Variants in EPB41L4B observed in about 807,000 individuals in gnomAD.
EPB41L4B encodes band 4.1-like protein 4B.
EPB41L4B carries 30 observed loss-of-function variants against 112.5 expected under a neutral mutation model. The ratio of observed to expected loss-of-function variants is 0.27; its 90% CI spans 0.20 to 0.36. The LOEUF (loss-of-function observed/expected upper bound fraction) is 0.36. Ranked by LOEUF, EPB41L4B falls within the 10% of genes least tolerant of loss-of-function variation. The probability of loss-of-function intolerance (pLI) is 1.00; values close to 1 mark genes in which losing one functional copy is unlikely to be tolerated. For missense variants in EPB41L4B, 1,024 were observed against 1,133.3 expected (o/e 0.90, Z 1.38); for synonymous variants, 408 against 439.7 (o/e 0.93, Z 0.90).
At chr9:109,299,313 T>C (rs1378498818) in intron 1 of EPB41L4B, among the ~76,000 whole-genome samples, 1 of 152,242 alleles carries the variant, frequency 6.6e-6, no homozygotes, top group Admixed American at 6.5e-5. Flanking sequence ...TCTCACTCTG[T>C]TGCCCAGGCT....
At chr9:109,224,452 T>G (rs1833693971) in intron 15 of EPB41L4B, among the ~76,000 whole-genome samples, 1 of 152,134 alleles carries the variant, frequency 6.6e-6, no homozygotes, top group African/African-American at 2.4e-5. Context: ...AAAGGACAAG[T>G]ATTATATTAT....
intron 1 of EPB41L4B, among the ~76,000 whole-genome samples, chr9:109,288,754 A>AAAAAAAAAAAAAAAG (rs71372560): frequency 7.2e-6 from 1 of 139,030 alleles, no homozygotes; most frequent in Non-Finnish European, 1.6e-5. Flanking sequence ...AAAAAAAAAA[A>AAAAAAAAAAAAAAAG]GCTGGGTGTG....
rs900669788 is a variant in EPB41L4B at position 109,283,437 on chromosome 9, C to A, written c.307-3516G>T. ...ACATACTCCTCTGAAGGCAACAGGTCAACAGAAGCAGAAGGCAGGATATGC... is the reference window on the plus strand; with the variant it reads ...ACATACTCCTCTGAAGGCAACAGGTAAACAGAAGCAGAAGGCAGGATATGC... On this transcript the variant is annotated intron_variant, in intron 1 of 25. Transcript: ENST00000374566. Among the ~76,000 whole-genome samples the A allele has an allele frequency of 5.3e-5, 8 of 152,126 alleles. No individual in the cohort carries two copies. The East Asian group carries it at 9.6e-4, about 18-fold the overall frequency.
At chr9:109,309,862 C>G (rs1368498133) in intron 1 of EPB41L4B, among the ~76,000 whole-genome samples, 2 of 152,140 alleles carry the variant, frequency 1.3e-5, no homozygotes, top group Non-Finnish European at 2.9e-5. Context: ...GCCACTAACT[C>G]CCACTATCCT....
At chr9:109,302,052 A>G (rs1166810618) in intron 1 of EPB41L4B, among the ~76,000 whole-genome samples, 2 of 152,256 alleles carry the variant, frequency 1.3e-5, no homozygotes, top group Non-Finnish European at 2.9e-5. Context: ...AGCTCTGGCC[A>G]CCAAGAGTCA....
intron 9 of EPB41L4B, 85 bp downstream of exon 9, chr9:109,256,051 G>C (rs1290652001): frequency 7.7e-7 from 1 of 1,302,296 alleles, no homozygotes; most frequent in Non-Finnish European, 1.1e-6. Context: ...GGGTGTTGCA[G>C]ATACCCCTCA....
Position 109,174,443 on chromosome 9 carries a change from G to T in EPB41L4B, c.*111C>A. ...TGGCTTCAACTAACCATGGAGACCT[G>T]GGCGAACAGAGCACACACTTGTATG... On this transcript the variant is annotated 3_prime_UTR_variant, in exon 26 of 26. Transcript: ENST00000374566. The T allele has an allele frequency of 9.4e-7, 1 of 1,061,934 alleles. No homozygotes were observed. Among genetic ancestry groups the T allele is most frequent in the Non-Finnish European group, 1.5e-6 (1 of 688,470 alleles). The allele number at this position is 1,061,934 out of a possible 1,614,324, so 65.8% of individuals were successfully genotyped here. A position where few individuals can be genotyped will look rare whatever the true frequency, so the allele number is the denominator to read the frequency against.
In EPB41L4B at chr9:109,203,584, C is replaced by A. The variant is rs148688512; in HGVS notation, c.1946+79G>T. 74 of 1,146,872 alleles carry A rather than the reference C, an allele frequency of 6.5e-5. No individual in the cohort carries two copies. The African/African-American group carries it at 7.9e-4, about 12-fold the overall frequency. 71.0% of individuals were successfully genotyped at this position (1,146,872 alleles called of 1,614,324 possible). ...TGTCCTCTGATTTTATCAGCTAATGCCCTCGTGAGCAATGTTTCAAGGATA... is the reference window on the plus strand; with the variant it reads ...TGTCCTCTGATTTTATCAGCTAATGACCTCGTGAGCAATGTTTCAAGGATA... On this transcript the variant is annotated intron_variant, in intron 19 of 25. Transcript: ENST00000374566.
intron 15 of EPB41L4B, among the ~76,000 whole-genome samples, chr9:109,236,182 C>T (rs550388638): frequency 2.0e-5 from 3 of 152,320 alleles, no homozygotes; most frequent in African/African-American, 7.2e-5. Context: ...TCTCCAACAG[C>T]TGGAATTCCC....
At chr9:109,185,643 G>A (rs1214708365) in intron 22 of EPB41L4B, 38 bp from the exon 23 acceptor site, 1 of 1,499,578 alleles carries the variant, frequency 6.7e-7, no homozygotes, top group East Asian at 2.3e-5. Flanking sequence ...AGGAGGAGGT[G>A]GCAAGAGAAG....
intron 15 of EPB41L4B, among the ~76,000 whole-genome samples, chr9:109,233,499 C>T (rs1824477470): frequency 6.7e-6 from 1 of 150,350 alleles, no homozygotes; most frequent in African/African-American, 2.5e-5. Context: ...CAGTATCATG[C>T]TGACTGTTAC....
intron 1 of EPB41L4B, among the ~76,000 whole-genome samples, chr9:109,303,608 C>G (rs1014434139): frequency 6.6e-6 from 1 of 152,180 alleles, no homozygotes; most frequent in Non-Finnish European, 1.5e-5. Context: ...CTACCTCAGC[C>G]TCCTAAAGTA....
At chr9:109,251,646 G>GGT in intron 12 of EPB41L4B, 135 bp from the exon 13 acceptor site, 1 of 798,184 alleles carries the variant, frequency 1.3e-6, no homozygotes, top group Non-Finnish European at 2.2e-6. Context: ...GAACTGCATG[G>GGT]TGGCTACTTC....
intron 15 of EPB41L4B, 118 bp downstream of exon 15, chr9:109,243,500 T>C: frequency 2.3e-6 from 2 of 866,970 alleles, no homozygotes; most frequent in Non-Finnish European, 1.8e-6. Flanking sequence ...GCCATGACAA[T>C]GCATCCCTTA....
intron 15 of EPB41L4B, among the ~76,000 whole-genome samples, chr9:109,220,495 T>C (rs529152623): frequency 1.4e-4 from 22 of 152,332 alleles, no homozygotes; most frequent in African/African-American, 5.3e-4. Flanking sequence ...GGGCGGGATC[T>C]AGACTAACCT....
At chr9:109,213,647 G>T in intron 17 of EPB41L4B, 53 bp downstream of exon 17, 2 of 1,481,454 alleles carry the variant, frequency 1.4e-6, no homozygotes, top group Non-Finnish European at 1.9e-6. Flanking sequence ...GTAATCAGAG[G>T]TTTGATGTCA....
chr9:109,291,858 C>T (rs577682214), intron 1 of EPB41L4B, among the ~76,000 whole-genome samples: 17 of 152,270 alleles, frequency 1.1e-4, no homozygotes, highest in African/African-American at 3.4e-4. Flanking sequence ...GAACCATAGT[C>T]GCACTGGCTT....
At chr9:109,246,315 T>G (rs1246019758) in intron 14 of EPB41L4B, among the ~76,000 whole-genome samples, 1 of 152,108 alleles carries the variant, frequency 6.6e-6, no homozygotes, top group African/African-American at 2.4e-5. Context: ...GGCAAGAGAA[T>G]CACTTGAACC....
chr9:109,316,487 T>C lies in EPB41L4B; in HGVS notation c.306+3654A>G, dbSNP rs76053345. 5.1e-3 allele frequency among the ~76,000 whole-genome samples: 783 copies of C among 152,224 alleles called. 1 individual carries two copies. The highest frequency in any genetic ancestry group is 8.4e-3 in the Non-Finnish European group (572 of 68,004). On this transcript the variant is annotated intron_variant, in intron 1 of 25. Transcript: ENST00000374566. ...CACACTAATGGGATCTTCAGCTGCATTAATAGAAGGAAAGCGTCTAGGGCA... is the reference window on the plus strand; with the variant it reads ...CACACTAATGGGATCTTCAGCTGCACTAATAGAAGGAAAGCGTCTAGGGCA...
Sources: allele counts gnomAD v4.1 joint callset (sites outside exome capture counted in the v4.1 genomes callset), GRCh38; gene constraint gnomAD v4.1.1; transcripts MANE v1.5; gene names NCBI Gene and HGNC (gene_info 2026-07-23, HGNC 2026-07-21).